The following GTF2E2 variants were observed in gnomAD, a reference collection of about 807,000 sequenced individuals.
The protein encoded by GTF2E2 is general transcription factor IIE subunit 2, also known as transcription initiation factor IIE subunit beta.
GTF2E2 carries 21 observed loss-of-function variants against 40.5 expected under a neutral mutation model. The ratio of observed to expected loss-of-function variants is 0.52; its 90% confidence interval spans 0.37 to 0.75. The LOEUF (loss-of-function observed/expected upper bound fraction) is 0.75. Among genes scored for constraint, GTF2E2 ranks in the 30% least tolerant of loss-of-function variants. The probability of loss-of-function intolerance (pLI) is 0.00; values close to 1 mark genes in which losing one functional copy is unlikely to be tolerated. For missense variants in GTF2E2, 298 were observed against 338.4 expected (o/e 0.88, Z 0.94); for synonymous variants, 117 against 121.6 (o/e 0.96, Z 0.25).
intron 6 of GTF2E2, among the ~76,000 whole-genome samples, chr8:30,602,437 A>G (rs1434036833): frequency 6.6e-6 from 1 of 152,146 alleles, no homozygotes; most frequent in Admixed American, 6.6e-5. Flanking sequence ...TCAGTAGGTT[A>G]TATTATCTAT....
chr8:30,629,616 G>A (rs1254908839), intron 3 of GTF2E2, among the ~76,000 whole-genome samples: 1 of 151,036 alleles, frequency 6.6e-6, no homozygotes, highest in African/African-American at 2.4e-5. Flanking sequence ...GTGAACCCAG[G>A]AGGTAGAGCT....
At chr8:30,637,023 T>C in intron 2 of GTF2E2, 1 of 411,116 alleles carries the variant, frequency 2.4e-6, no homozygotes, top group Non-Finnish European at 4.7e-6. Flanking sequence ...TCATACGTAA[T>C]CCCTCCCAAA....
intron 3 of GTF2E2, among the ~76,000 whole-genome samples, chr8:30,623,292 A>G (rs1349741944): frequency 6.6e-6 from 1 of 151,954 alleles, no homozygotes; most frequent in Non-Finnish European, 1.5e-5. Context: ...GAGAACATGC[A>G]GTGTTTGGTT....
intron 3 of GTF2E2, among the ~76,000 whole-genome samples, chr8:30,622,885 C>T (rs945344092): frequency 6.6e-6 from 1 of 152,054 alleles, no homozygotes; most frequent in Non-Finnish European, 1.5e-5. Context: ...TTGCTGTTAC[C>T]CTGTTCTTTT....
At chr8:30,629,251 T>C (rs991725749) in intron 3 of GTF2E2, among the ~76,000 whole-genome samples, 5 of 152,224 alleles carry the variant, frequency 3.3e-5, no homozygotes, top group Non-Finnish European at 5.9e-5. Flanking sequence ...AGTCCTACTA[T>C]GGACCAGAAC....
chr8:30,603,540 A>C (rs987904851), intron 6 of GTF2E2, among the ~76,000 whole-genome samples: 1 of 152,180 alleles, frequency 6.6e-6, no homozygotes, highest in Non-Finnish European at 1.5e-5. Context: ...AAATACAACA[A>C]AGGGGGACAC....
intron 3 of GTF2E2, among the ~76,000 whole-genome samples, chr8:30,616,173 G>T (rs1800912956): frequency 6.6e-6 from 1 of 152,136 alleles, no homozygotes; most frequent in African/African-American, 2.4e-5. Context: ...CAGATGCAGT[G>T]GTTCACACCT....
intron 2 of GTF2E2, among the ~76,000 whole-genome samples, chr8:30,642,692 C>A (rs948511523): frequency 6.6e-6 from 1 of 152,210 alleles, no homozygotes. Flanking sequence ...TATACACTAT[C>A]CTACACCTTG....
chr8:30,631,282 G>A (rs184039043), intron 3 of GTF2E2, among the ~76,000 whole-genome samples: 1 of 152,230 alleles, frequency 6.6e-6, no homozygotes, highest in African/African-American at 2.4e-5. Context: ...CTCCCAAAGC[G>A]CTGAGAATAC....
chr8:30,655,851 A>T (rs1030101457), intron 1 of GTF2E2, among the ~76,000 whole-genome samples: 7 of 151,702 alleles, frequency 4.6e-5, no homozygotes, highest in Admixed American at 4.6e-4. Context: ...TCTGCCGCCC[A>T]GGCTGGCAGA....
intron 6 of GTF2E2, among the ~76,000 whole-genome samples, chr8:30,593,557 G>C (rs1371296266): frequency 2.0e-5 from 3 of 151,858 alleles, no homozygotes; most frequent in Non-Finnish European, 4.4e-5. Context: ...CAGTGGCACA[G>C]TCATGGCTTA....
At chr8:30,605,513 T>C (rs1226300449) in intron 6 of GTF2E2, among the ~76,000 whole-genome samples, 1 of 152,214 alleles carries the variant, frequency 6.6e-6, no homozygotes, top group African/African-American at 2.4e-5. Context: ...GTATAGGCTC[T>C]TACTCTCTAT....
chr8:30,644,033 TTC>T (rs772527724), intron 2 of GTF2E2, among the ~76,000 whole-genome samples: 54 of 152,340 alleles, frequency 3.5e-4, no homozygotes, highest in Non-Finnish European at 3.5e-4. Flanking sequence ...ACTACATTTT[TTC>T]TCTTATTTCC....
chr8:30,579,085 G>T (rs757015703), intron 7 of GTF2E2, 48 bp from the exon 8 acceptor site: 48 of 979,324 alleles, frequency 4.9e-5, no homozygotes, highest in Non-Finnish European at 7.9e-5. Flanking sequence ...GCTCTGAGGG[G>T]TGGTGTGGCC....
intron 3 of GTF2E2, among the ~76,000 whole-genome samples, chr8:30,627,887 GAGCT>G (rs1295569125): frequency 2.6e-5 from 4 of 152,170 alleles, no homozygotes; most frequent in Admixed American, 2.6e-4. Flanking sequence ...GTGACTGCAG[GAGCT>G]AGCCTCTTGG....
At position 30,614,612 on chromosome 8, in the gene GTF2E2, G is replaced by A. The variant is rs776412409; in HGVS notation, c.362C>T (p.Thr121Ile). ...GATAATCAACTAAATTCTTACCTCA[G>A]TCATTAGCCATTGTTTCTGCTTGAG... Reference protein sequence around the residue: ...IGLKQKQWLMTEALVNNPKIE... With the variant: ...IGLKQKQWLMIEALVNNPKIE... Residue 121 changes from threonine to isoleucine, a missense_variant, in exon 4 of 8, where the codon ACT (threonine) becomes ATT (isoleucine). Coordinates refer to ENST00000355904, the MANE Select transcript of GTF2E2 (RefSeq NM_002095.6). 2 of 1,508,884 alleles carry A rather than the reference G, an allele frequency of 1.3e-6. No individual in the cohort carries two copies. The highest frequency in any genetic ancestry group is 1.8e-6 in the Non-Finnish European group (2 of 1,088,558). The allele number at this position is 1,508,884 out of a possible 1,614,324, so 93.5% of individuals were successfully genotyped here. A position where few individuals can be genotyped will look rare whatever the true frequency, so the allele number is the denominator to read the frequency against.
intron 6 of GTF2E2, among the ~76,000 whole-genome samples, chr8:30,592,365 ACT>A (rs1047946022): frequency 9.2e-5 from 14 of 152,102 alleles, no homozygotes; most frequent in Non-Finnish European, 2.1e-4. Flanking sequence ...ATACAGTGAG[ACT>A]CTGTCTCAAA....
Position 30,614,104 on chromosome 8 carries a change from T to C in GTF2E2, c.366+504A>G, listed in dbSNP as rs554078708. ...TAATCTGTAAAAACATTAAGTCGAATTGGTACAATGACTTCTTTACAACTA... is the reference window on the plus strand; with the variant it reads ...TAATCTGTAAAAACATTAAGTCGAACTGGTACAATGACTTCTTTACAACTA... On this transcript the variant is annotated intron_variant, in intron 4 of 7. Transcript: ENST00000355904. 7.2e-5 allele frequency among the ~76,000 whole-genome samples: 11 copies of C among 152,338 alleles called. No homozygotes were observed. In the South Asian group the frequency reaches 1.7e-3, roughly 23 times the overall value.
intron 6 of GTF2E2, among the ~76,000 whole-genome samples, chr8:30,595,984 T>C (rs1215350042): frequency 6.6e-6 from 1 of 152,254 alleles, no homozygotes; most frequent in Non-Finnish European, 1.5e-5. Flanking sequence ...GCATTATCTT[T>C]CGGTCTGCAT....
Sources: allele counts gnomAD v4.1 joint callset (sites outside exome capture counted in the v4.1 genomes callset), GRCh38; gene constraint gnomAD v4.1.1; transcripts MANE v1.5; gene names NCBI Gene and HGNC (gene_info 2026-07-23, HGNC 2026-07-21).